The following PRKCH variants were observed in gnomAD, a reference collection of about 807,000 sequenced individuals.
PRKCH encodes the protein protein kinase C eta type.
A neutral mutation model predicts 82.5 loss-of-function variants in PRKCH; 28 were observed. The ratio of observed to expected loss-of-function variants is 0.34; its 90% CI spans 0.25 to 0.47. The LOEUF (loss-of-function observed/expected upper bound fraction) is 0.47, where lower values mean the gene tolerates loss of function less well. Ranked by LOEUF, PRKCH falls within the 20% of genes least tolerant of loss-of-function variation. The pLI, the probability that PRKCH is intolerant of heterozygous loss-of-function variation, is 1.00. For missense variants in PRKCH, 705 were observed against 881.8 expected (o/e 0.80, Z 2.54); for synonymous variants, 322 against 327.4 (o/e 0.98, Z 0.18).
chr14:61,541,002 A>G (rs1014163080), intron 12 of PRKCH, among the ~76,000 whole-genome samples: 4 of 152,220 alleles, frequency 2.6e-5, no homozygotes, highest in Non-Finnish European at 4.4e-5. Flanking sequence ...GTGGACTGTC[A>G]TCAGCCCCAT....
intron 1 of PRKCH, among the ~76,000 whole-genome samples, chr14:61,215,199 C>CT (rs897041728): frequency 6.6e-5 from 10 of 151,966 alleles, no homozygotes; most frequent in South Asian, 2.1e-4. Context: ...TTGTGAAGGT[C>CT]TTTTTTTTAG....
intron 1 of PRKCH, chr14:61,279,881 T>C: frequency 1.7e-6 from 1 of 574,278 alleles, no homozygotes; most frequent in East Asian, 2.9e-5. Flanking sequence ...TGCAAGGATG[T>C]TTCACTCTGC....
At position 61,484,764 on chromosome 14, in the gene PRKCH, C is replaced by CGTTTTTTTTT. The variant is rs1555392076; in HGVS notation, c.1279-738_1279-737insGTTTTTTTTT. ...TACTGTGAGGCTGTCATTTGGCTTCCTTTTTTTTTTTTTTTTTTTGGAAGA... is the reference window on the plus strand; with the variant it reads ...TACTGTGAGGCTGTCATTTGGCTTCCGTTTTTTTTTTTTTTTTTTTTTTTTTTTTGGAAGA... On this transcript the variant is annotated intron_variant, in intron 9 of 13. Coordinates refer to ENST00000332981, the MANE Select transcript of PRKCH (RefSeq NM_006255.5). 1.8e-3 allele frequency among the ~76,000 whole-genome samples: 221 copies of CGTTTTTTTTT among 121,166 alleles called. 4 individuals carry two copies. The highest frequency in any genetic ancestry group is 6.8e-3 in the African/African-American group (209 of 30,842). 79.5% of individuals were successfully genotyped at this position (121,166 alleles called of 152,430 possible).
chr14:61,302,693 CTTATTG>C (rs1035754406), intron 1 of PRKCH, among the ~76,000 whole-genome samples: 2 of 152,038 alleles, frequency 1.3e-5, no homozygotes, highest in East Asian at 1.9e-4. Context: ...TTTAAGATAT[CTTATTG>C]TTATTGATTT....
intron 10 of PRKCH, among the ~76,000 whole-genome samples, chr14:61,507,385 A>G (rs1887194531): frequency 6.6e-6 from 1 of 152,192 alleles, no homozygotes; most frequent in Non-Finnish European, 1.5e-5. Flanking sequence ...GGTTCCTCAA[A>G]AAAATTACAA....
At chr14:61,339,537 A>T (rs1343681001) in intron 1 of PRKCH, among the ~76,000 whole-genome samples, 1 of 139,426 alleles carries the variant, frequency 7.2e-6, no homozygotes, top group East Asian at 2.5e-4. Flanking sequence ...GTTAGCCAGG[A>T]TGGTCTCGAT....
At chr14:61,328,411 T>C (rs1164841705) in intron 1 of PRKCH, among the ~76,000 whole-genome samples, 1 of 152,174 alleles carries the variant, frequency 6.6e-6, no homozygotes, top group African/African-American at 2.4e-5. Context: ...CGTTATAACG[T>C]TTTTCACTTA....
At chr14:61,421,962 G>A (rs1882858847) in intron 2 of PRKCH, among the ~76,000 whole-genome samples, 1 of 152,228 alleles carries the variant, frequency 6.6e-6, no homozygotes, top group Non-Finnish European at 1.5e-5. Flanking sequence ...ATTAGGGCAG[G>A]TGTGGACCCC....
chr14:61,462,305 G>A (rs1415025609), intron 9 of PRKCH, among the ~76,000 whole-genome samples: 3 of 152,158 alleles, frequency 2.0e-5, no homozygotes, highest in Non-Finnish European at 4.4e-5. Flanking sequence ...CAGGAGGATC[G>A]CTGGAACCCG....
chr14:61,549,808 G>A lies in PRKCH; in HGVS notation c.2029G>A (p.Val677Met), dbSNP rs956841954. The stretch of plus-strand genomic sequence containing the variant: ...GGATGAGTTTAGAAACTTTTCCTAT[G>A]TGTCTCCAGAATTGCAACCATAGCC... ...NQDEFRNFSYVSPELQP is the reference protein window; with the variant it reads ...NQDEFRNFSYMSPELQP Residue 677 changes from valine to methionine, a missense_variant, in exon 14 of 14, where the codon GTG becomes ATG. Transcript: ENST00000332981. The A allele has an allele frequency of 6.8e-6, 11 of 1,613,912 alleles. No individual in the cohort carries two copies. Among genetic ancestry groups the A allele is most frequent in the African/African-American group, 2.7e-5 (2 of 74,906 alleles).
chr14:61,287,204 TAAA>T (rs35045657), intron 1 of PRKCH, among the ~76,000 whole-genome samples: 707 of 57,848 alleles, frequency 0.012, 10 homozygotes, highest in African/African-American at 0.032. Context: ...GACTCCGTCT[TAAA>T]AAAAAAAAAA....
chr14:61,194,045 C>T (rs1339520108), intron 1 of PRKCH, among the ~76,000 whole-genome samples: 2 of 152,058 alleles, frequency 1.3e-5, no homozygotes, highest in South Asian at 2.1e-4. Flanking sequence ...TCTTTTATCC[C>T]TCTTTCTCTC....
In PRKCH at chr14:61,414,588, C is replaced by CTTT. The variant is rs1159456993; in HGVS notation, c.427+23314_427+23316dup. ...GTGCCCGGCATGGGCTTCATTTATT[C>CTTT]TTTTTTTTTTTTTTTTGAGATGGAG... On this transcript the variant is annotated intron_variant, in intron 2 of 13. Transcript: ENST00000332981. 2.6e-3 allele frequency among the ~76,000 whole-genome samples: 335 copies of CTTT among 128,300 alleles called. 2 individuals carry two copies. The highest frequency in any genetic ancestry group is 8.3e-3 in the African/African-American group (284 of 34,130). The allele number at this position is 128,300 out of a possible 152,430, so 84.2% of individuals were successfully genotyped here.
At chr14:61,196,603 A>T (rs1555368392) in intron 1 of PRKCH, among the ~76,000 whole-genome samples, 1 of 152,224 alleles carries the variant, frequency 6.6e-6, no homozygotes, top group Non-Finnish European at 1.5e-5. Flanking sequence ...AGTGCTGCTA[A>T]ATGACTTTTT....
intron 1 of PRKCH, among the ~76,000 whole-genome samples, chr14:61,206,272 C>T (rs775818066): frequency 3.9e-5 from 6 of 152,226 alleles, no homozygotes; most frequent in Admixed American, 6.5e-5. Context: ...ATCCGGGCTG[C>T]AGTTCCTCTG....
chr14:61,428,423 G>A (rs1272456770), intron 2 of PRKCH, among the ~76,000 whole-genome samples: 1 of 152,090 alleles, frequency 6.6e-6, no homozygotes, highest in Non-Finnish European at 1.5e-5. Context: ...TTTGCGTCAT[G>A]GCTTTCACTA....
chr14:61,484,291 C>CTTT (rs71449556), intron 9 of PRKCH, among the ~76,000 whole-genome samples: 1,171 of 86,284 alleles, frequency 0.014, 55 homozygotes, highest in Middle Eastern at 0.053. Flanking sequence ...GCTTGTGTCA[C>CTTT]TTTTTTTTTT....
chr14:61,449,121 T>G, intron 4 of PRKCH, 43 bp from the exon 5 acceptor site: 5,636 of 1,547,286 alleles, frequency 3.6e-3, no homozygotes, highest in Non-Finnish European at 4.6e-3. Flanking sequence ...GGCTGGACTG[T>G]GAGCTTCTGA....
intron 1 of PRKCH, among the ~76,000 whole-genome samples, chr14:61,311,974 G>A (rs1281872546): frequency 6.6e-6 from 1 of 152,176 alleles, no homozygotes; most frequent in African/African-American, 2.4e-5. Flanking sequence ...AGAACAATGT[G>A]AGAGAAACTG....
Sources: gnomAD v4.1 joint callset for allele counts (sites outside exome capture counted in the v4.1 genomes callset) on GRCh38, gnomAD v4.1.1 for gene constraint, MANE v1.5 for transcripts, NCBI Gene and HGNC (gene_info 2026-07-23, HGNC 2026-07-21) for gene names.